Variants in MYOZ2 observed in about 807,000 individuals in gnomAD.
The protein encoded by MYOZ2 is myozenin 2.
MYOZ2 carries 19 observed loss-of-function variants against 25.4 expected under a neutral mutation model. The observed-to-expected ratio is 0.75, with a 90% CI of 0.52 to 1.10. MYOZ2 has a LOEUF of 1.10. Among genes scored for constraint, MYOZ2 ranks in the 50% least tolerant of loss-of-function variants. The pLI is 0.00. For synonymous variants in MYOZ2, 92 were observed against 106.9 expected (o/e 0.86, Z 0.86); for missense variants, 270 against 317.9 (o/e 0.85, Z 1.15).
At chr4:119,170,394 G>A (rs546319543) in intron 5 of MYOZ2, among the ~76,000 whole-genome samples, 14 of 152,050 alleles carry the variant, frequency 9.2e-5, no homozygotes, top group Admixed American at 3.9e-4. Flanking sequence ...TACCACTAGG[G>A]GCTAGAGGGT....
intron 5 of MYOZ2, among the ~76,000 whole-genome samples, chr4:119,179,568 C>T (rs1742145987): frequency 6.6e-6 from 1 of 151,944 alleles, no homozygotes; most frequent in Non-Finnish European, 1.5e-5. Flanking sequence ...TCCCTATCTA[C>T]AGGGTAGGCA....
At chr4:119,170,080 C>T (rs1311298374) in intron 5 of MYOZ2, among the ~76,000 whole-genome samples, 1 of 152,096 alleles carries the variant, frequency 6.6e-6, no homozygotes, top group Non-Finnish European at 1.5e-5. Flanking sequence ...CAGTACAATA[C>T]TTCATAATGT....
chr4:119,157,991 T>C (rs1741619409), intron 3 of MYOZ2, 31 bp from the exon 4 acceptor site: 2 of 1,613,452 alleles, frequency 1.2e-6, no homozygotes, highest in South Asian at 2.2e-5. Flanking sequence ...TTTTTGAGTT[T>C]TCAGCAGAGT....
intron 2 of MYOZ2, among the ~76,000 whole-genome samples, chr4:119,141,492 C>T (rs1741157699): frequency 6.6e-6 from 1 of 152,118 alleles, no homozygotes; most frequent in African/African-American, 2.4e-5. Context: ...AAGTGATTCT[C>T]CTGCCTCAGC....
chr4:119,174,374 G>C (rs973311920), intron 5 of MYOZ2, among the ~76,000 whole-genome samples: 7 of 152,096 alleles, frequency 4.6e-5, no homozygotes, highest in Admixed American at 2.0e-4. Context: ...TCTAGCTCAG[G>C]GTTTGTGAAT....
chr4:119,176,720 A>C (rs1337411209), intron 5 of MYOZ2, among the ~76,000 whole-genome samples: 2 of 152,250 alleles, frequency 1.3e-5, no homozygotes, highest in African/African-American at 4.8e-5. Flanking sequence ...AAGAACTTTA[A>C]GAACTTACAT....
At chr4:119,173,806 C>T (rs752952363) in intron 5 of MYOZ2, among the ~76,000 whole-genome samples, 1 of 152,124 alleles carries the variant, frequency 6.6e-6, no homozygotes, top group African/African-American at 2.4e-5. Context: ...GAGCGGGAAC[C>T]GGGGCTGCGT....
chr4:119,137,984 A>T (rs1480727861), intron 2 of MYOZ2, among the ~76,000 whole-genome samples: 2 of 152,166 alleles, frequency 1.3e-5, no homozygotes, highest in East Asian at 3.8e-4. Flanking sequence ...TAAAACAGTC[A>T]GTCCATTTAA....
intron 5 of MYOZ2, among the ~76,000 whole-genome samples, chr4:119,164,801 T>G (rs1741785345): frequency 6.6e-6 from 1 of 152,252 alleles, no homozygotes; most frequent in South Asian, 2.1e-4. Flanking sequence ...TAACTCCAGA[T>G]TCTATCTTAC....
chr4:119,164,192 T>G lies in MYOZ2; in HGVS notation c.377-19T>G. The G allele has an allele frequency of 1.2e-6, 2 of 1,609,938 alleles. No homozygotes were observed. The highest frequency in any genetic ancestry group is 1.7e-6 in the Non-Finnish European group (2 of 1,176,268). Reference sequence around the variant, plus strand: ...TCTCGGGCACAGTATTTACTTACTTTTGCTATATTTTTCCAAAGGATATTC... The same window carrying G: ...TCTCGGGCACAGTATTTACTTACTTGTGCTATATTTTTCCAAAGGATATTC... On this transcript the variant is annotated intron_variant, in intron 4 of 5. Transcript: ENST00000307128.
chr4:119,165,125 C>T (rs149852753), intron 5 of MYOZ2, among the ~76,000 whole-genome samples: 2 of 149,356 alleles, frequency 1.3e-5, no homozygotes, highest in African/African-American at 4.9e-5. Flanking sequence ...TTATAGGCAG[C>T]TTAATAACCA....
intron 4 of MYOZ2, among the ~76,000 whole-genome samples, chr4:119,161,686 C>CA (rs1215101901): frequency 6.6e-6 from 1 of 151,814 alleles, no homozygotes; most frequent in East Asian, 1.9e-4. Context: ...CTTGAATGTT[C>CA]AAAAATGGGA....
chr4:119,143,427 C>G (rs996445122), intron 2 of MYOZ2, among the ~76,000 whole-genome samples: 1 of 152,162 alleles, frequency 6.6e-6, no homozygotes, highest in Non-Finnish European at 1.5e-5. Flanking sequence ...AACTCCTGAC[C>G]TCATGATCTG....
At chr4:119,178,758 C>T (rs1578370942) in intron 5 of MYOZ2, among the ~76,000 whole-genome samples, 1 of 152,260 alleles carries the variant, frequency 6.6e-6, no homozygotes, top group African/African-American at 2.4e-5. Flanking sequence ...AGGCATCCAC[C>T]ACCTCACCCG....
intron 5 of MYOZ2, among the ~76,000 whole-genome samples, chr4:119,173,901 C>T (rs547654838): frequency 1.3e-5 from 2 of 152,348 alleles, no homozygotes; most frequent in Admixed American, 1.3e-4. Context: ...GCCCTGCCGG[C>T]CCGGGGCAAT....
intron 3 of MYOZ2, among the ~76,000 whole-genome samples, chr4:119,156,594 T>C (rs932979542): frequency 6.6e-6 from 1 of 152,168 alleles, no homozygotes; most frequent in African/African-American, 2.4e-5. Flanking sequence ...CTTCCCAAAA[T>C]AGATCTTTTA....
chr4:119,175,562 G>A (rs1188787215), intron 5 of MYOZ2, among the ~76,000 whole-genome samples: 1 of 151,986 alleles, frequency 6.6e-6, no homozygotes. Flanking sequence ...GACCACCCTG[G>A]CCAACATGGT....
intron 5 of MYOZ2, among the ~76,000 whole-genome samples, chr4:119,184,972 T>G (rs955870185): frequency 6.6e-6 from 1 of 152,162 alleles, no homozygotes; most frequent in Admixed American, 6.5e-5. Context: ...GGAATGTGGC[T>G]AAGAAAGTGG....
intron 2 of MYOZ2, among the ~76,000 whole-genome samples, chr4:119,137,343 A>G (rs1034630647): frequency 2.6e-5 from 4 of 152,306 alleles, no homozygotes; most frequent in Non-Finnish European, 5.9e-5. Context: ...AACTTTGTTT[A>G]TAAGCAACGT....
Sources: gnomAD v4.1 joint callset for allele counts (sites outside exome capture counted in the v4.1 genomes callset) on GRCh38, gnomAD v4.1.1 for gene constraint, MANE v1.5 for transcripts, NCBI Gene and HGNC (gene_info 2026-07-23, HGNC 2026-07-21) for gene names.